The following PLEKHG1 variants were observed in gnomAD, a reference collection of about 807,000 sequenced individuals.
PLEKHG1 encodes the protein pleckstrin homology and RhoGEF domain containing G1, also known as pleckstrin homology domain-containing family G member 1.
In PLEKHG1, 44 loss-of-function variants were observed where a neutral mutation model predicts 100.8. The observed-to-expected ratio is 0.44, with a 90% confidence interval of 0.34 to 0.56. The LOEUF is 0.56. Ranked by LOEUF, PLEKHG1 falls within the 20% of genes least tolerant of loss-of-function variation. PLEKHG1 has a pLI of 0.01. For synonymous variants in PLEKHG1, 640 were observed against 662.5 expected (o/e 0.97, Z 0.52); for missense variants, 1,545 against 1,720.9 (o/e 0.90, Z 1.81).
chr6:150,718,113 G>T (rs1463864004), upstream of PLEKHG1, among the ~76,000 whole-genome samples: 1 of 152,128 alleles, frequency 6.6e-6, no homozygotes, highest in African/African-American at 2.4e-5. Context: ...ATTAAATGTT[G>T]CTGAGCAAAA....
intron 3 of PLEKHG1, among the ~76,000 whole-genome samples, chr6:150,671,088 C>CATATAGATATAT (rs1779564604): frequency 6.8e-6 from 1 of 147,432 alleles, no homozygotes; most frequent in South Asian, 2.2e-4. Flanking sequence ...AGTATTCCAT[C>CATATAGATATAT]ATATATATAT....
chr6:150,601,700 C>G (rs373293094), intron 1 of PLEKHG1, among the ~76,000 whole-genome samples: 1 of 152,214 alleles, frequency 6.6e-6, no homozygotes, highest in Non-Finnish European at 1.5e-5. Flanking sequence ...AGTCCACAGT[C>G]AACAGCAATG....
At chr6:150,623,510 A>G (rs183084412) in intron 1 of PLEKHG1, among the ~76,000 whole-genome samples, 2 of 152,186 alleles carry the variant, frequency 1.3e-5, no homozygotes, top group East Asian at 3.9e-4. Flanking sequence ...TCCAGTGGGA[A>G]CTCCAGGTCT....
chr6:150,712,979 G>A (rs1275414745), intron 3 of PLEKHG1, among the ~76,000 whole-genome samples: 2 of 152,140 alleles, frequency 1.3e-5, no homozygotes, highest in East Asian at 1.9e-4. Context: ...AGTTTACATC[G>A]GCAACGTCCC....
intron 3 of PLEKHG1, among the ~76,000 whole-genome samples, chr6:150,780,784 G>A (rs1241544704): frequency 2.0e-5 from 3 of 152,074 alleles, no homozygotes; most frequent in South Asian, 2.1e-4. Context: ...CTTGTTGGCC[G>A]AAGATTCATT....
chr6:150,838,530 G>C (rs1777350307), intron 15 of PLEKHG1, among the ~76,000 whole-genome samples: 1 of 152,224 alleles, frequency 6.6e-6, no homozygotes, highest in Non-Finnish European at 1.5e-5. Flanking sequence ...CCCTGCATTA[G>C]AGTTTTTTGA....
At chr6:150,817,822 A>G (rs1401592399) in intron 10 of PLEKHG1, among the ~76,000 whole-genome samples, 2 of 151,960 alleles carry the variant, frequency 1.3e-5, no homozygotes, top group African/African-American at 4.8e-5. Flanking sequence ...TCAGCCTCCC[A>G]AAGTGCTGGG....
At chr6:150,752,578 T>C (rs920190453) in intron 2 of PLEKHG1, among the ~76,000 whole-genome samples, 1 of 152,214 alleles carries the variant, frequency 6.6e-6, no homozygotes, top group African/African-American at 2.4e-5. Flanking sequence ...TCACTCAGCA[T>C]GTTTCCAAGG....
intron 3 of PLEKHG1, among the ~76,000 whole-genome samples, chr6:150,710,941 C>T (rs928795038): frequency 6.6e-6 from 1 of 152,136 alleles, no homozygotes; most frequent in South Asian, 2.1e-4. Context: ...GCCCAGTGTG[C>T]ACGTCACACA....
chr6:150,778,370 C>T (rs369935734), intron 3 of PLEKHG1, among the ~76,000 whole-genome samples: 15 of 152,116 alleles, frequency 9.9e-5, no homozygotes, highest in African/African-American at 2.9e-4. Flanking sequence ...TCAGGTGATC[C>T]GCCCGCCTCA....
At chr6:150,618,845 A>G (rs1463443922) in intron 1 of PLEKHG1, among the ~76,000 whole-genome samples, 1 of 152,184 alleles carries the variant, frequency 6.6e-6, no homozygotes, top group Non-Finnish European at 1.5e-5. Flanking sequence ...TTGGAAGTCA[A>G]GATGGGGAGG....
chr6:150,655,248 G>A (rs1261873283), intron 3 of PLEKHG1, among the ~76,000 whole-genome samples: 1 of 152,216 alleles, frequency 6.6e-6, no homozygotes, highest in African/African-American at 2.4e-5. Context: ...TCTAGAGCCA[G>A]AAATACTATT....
At chr6:150,650,215 T>C (rs78076976) in intron 2 of PLEKHG1, among the ~76,000 whole-genome samples, 1 of 152,194 alleles carries the variant, frequency 6.6e-6, no homozygotes, top group African/African-American at 2.4e-5. Context: ...AGAGTGGCTG[T>C]GGCCTTAGGC....
intron 2 of PLEKHG1, among the ~76,000 whole-genome samples, chr6:150,765,810 G>A (rs1029054328): frequency 6.6e-6 from 1 of 152,150 alleles, no homozygotes; most frequent in South Asian, 2.1e-4. Context: ...CAAAGTACAA[G>A]CACAAATTTA....
At chr6:150,631,826 A>G (rs951449343) in intron 1 of PLEKHG1, among the ~76,000 whole-genome samples, 1 of 152,104 alleles carries the variant, frequency 6.6e-6, no homozygotes, top group Non-Finnish European at 1.5e-5. Flanking sequence ...GGGCTAGTGG[A>G]GGGCTGCGAG....
At chr6:150,617,315 A>G (rs1777113274) in intron 1 of PLEKHG1, among the ~76,000 whole-genome samples, 1 of 152,194 alleles carries the variant, frequency 6.6e-6, no homozygotes, top group Non-Finnish European at 1.5e-5. Flanking sequence ...CCTTTTTAAA[A>G]AGTTTTTGCT....
intron 2 of PLEKHG1, among the ~76,000 whole-genome samples, chr6:150,757,561 ATGTGTG>A (rs141610846): frequency 1.3e-5 from 2 of 150,152 alleles, no homozygotes; most frequent in South Asian, 2.1e-4. Flanking sequence ...GCACACAAGT[ATGTGTG>A]TGTGTGTGTG....
intron 2 of PLEKHG1, among the ~76,000 whole-genome samples, chr6:150,749,171 A>G (rs1783350519): frequency 6.6e-6 from 1 of 152,154 alleles, no homozygotes; most frequent in South Asian, 2.1e-4. Flanking sequence ...ATTTGGAGAC[A>G]ACTGGAAAAA....
chr6:150,680,060 T>C (rs1407155066), intron 3 of PLEKHG1, among the ~76,000 whole-genome samples: 11 of 152,168 alleles, frequency 7.2e-5, no homozygotes, highest in Non-Finnish European at 1.6e-4. Flanking sequence ...GTGATCCTTA[T>C]TCTAGAAGAA....
Sources: gnomAD v4.1 joint callset for allele counts (sites outside exome capture counted in the v4.1 genomes callset) on GRCh38, gnomAD v4.1.1 for gene constraint, MANE v1.5 for transcripts, NCBI Gene and HGNC (gene_info 2026-07-23, HGNC 2026-07-21) for gene names.